FMN1: variants seen among roughly 807,000 people sequenced by gnomAD.
The protein encoded by FMN1 is formin 1.
A neutral mutation model predicts 132.4 loss-of-function variants in FMN1; 110 were observed. The ratio of observed to expected loss-of-function variants is 0.83; its 90% CI spans 0.71 to 0.97. The LOEUF (loss-of-function observed/expected upper bound fraction) is 0.97, where lower values mean the gene tolerates loss of function less well. Ranked by LOEUF, FMN1 falls within the 50% of genes least tolerant of loss-of-function variation. FMN1 has a pLI of 0.00. For missense variants in FMN1, 1,792 were observed against 1,705.3 expected (o/e 1.05, Z -0.90); for synonymous variants, 722 against 651.7 (o/e 1.11, Z -1.64).
At chr15:33,158,662 A>G (rs1470913128) in intron 3 of FMN1, among the ~76,000 whole-genome samples, 1 of 152,172 alleles carries the variant, frequency 6.6e-6, no homozygotes, top group Non-Finnish European at 1.5e-5. Context: ...ACTGAACTAG[A>G]CTAAGGAGTT....
intron 4 of FMN1, among the ~76,000 whole-genome samples, chr15:33,146,651 G>A (rs1036188642): frequency 6.6e-6 from 1 of 152,132 alleles, no homozygotes; most frequent in Non-Finnish European, 1.5e-5. Context: ...GAACTCCAAG[G>A]GGATGGTATG....
intron 4 of FMN1, among the ~76,000 whole-genome samples, chr15:33,119,504 C>T (rs1962348586): frequency 1.3e-5 from 2 of 152,166 alleles, no homozygotes; most frequent in African/African-American, 4.8e-5. Flanking sequence ...TTAATGAGTC[C>T]ACCGTCCGTA....
In FMN1 at chr15:33,024,057, A is replaced by G. The variant is rs528094883; in HGVS notation, c.2162-15982T>C. On this transcript the variant is annotated intron_variant, in intron 6 of 20. Transcript: ENST00000616417. The stretch of plus-strand genomic sequence containing the variant: ...GAATAAAGAAATCCTATAAATAAAT[A>G]AAAAGGATAGCAACCATTAGAAAAA... 6.6e-5 allele frequency among the ~76,000 whole-genome samples: 10 copies of G among 152,226 alleles called. 1 individual carries two copies. The South Asian group carries it at 2.1e-3, about 32-fold the overall frequency.
At chr15:33,162,476 T>C (rs1284709567) in intron 3 of FMN1, among the ~76,000 whole-genome samples, 2 of 151,606 alleles carry the variant, frequency 1.3e-5, no homozygotes, top group African/African-American at 4.8e-5. Flanking sequence ...GAATAACACT[T>C]CAGGCAGAAG....
chr15:33,040,008 C>T (rs1019059071), intron 6 of FMN1, among the ~76,000 whole-genome samples: 9 of 152,176 alleles, frequency 5.9e-5, no homozygotes, highest in Non-Finnish European at 1.0e-4. Context: ...CCCCAGCTGT[C>T]TACAGTCCAA....
rs1567144920 is a variant in FMN1, at chr15:32,774,359, T to C, written c.4216-5A>G. 7.6e-6 allele frequency: 12 copies of C among 1,577,890 alleles called. No homozygotes were observed. Among genetic ancestry groups the C allele is most frequent in the Admixed American group, 1.9e-5 (1 of 52,632 alleles). On this transcript the variant is annotated splice_polypyrimidine_tract_variant and splice_region_variant and intron_variant, in intron 20 of 20. Coordinates refer to ENST00000616417, the MANE Select transcript of FMN1 (RefSeq NM_001277313.2). Reference sequence around the variant, plus strand: ...CTTCTGACGCAGTCTTTCTTTCTGTTAAGGAAAAAAAAATGAATGTATCAT... The same window carrying C: ...CTTCTGACGCAGTCTTTCTTTCTGTCAAGGAAAAAAAAATGAATGTATCAT...
chr15:32,884,420 A>G (rs2059846308), intron 16 of FMN1, among the ~76,000 whole-genome samples: 1 of 152,180 alleles, frequency 6.6e-6, no homozygotes, highest in Admixed American at 6.5e-5. Context: ...CTCTGATCAT[A>G]GCCAGGGAAA....
Position 32,964,094 on chromosome 15 carries a change from A to T in FMN1, c.3138+13T>A. The T allele has an allele frequency of 1.2e-6, 2 of 1,601,014 alleles. No homozygotes were observed. Among genetic ancestry groups the T allele is most frequent in the South Asian group, 2.2e-5 (2 of 90,196 alleles). ...TAATATATAATTACAGCTTTGCCAT[A>T]ATCACTCAGTACCTTTTTGACCTTG... On this transcript the variant is annotated intron_variant, in intron 9 of 20. Coordinates refer to ENST00000616417, the MANE Select transcript of FMN1 (RefSeq NM_001277313.2).
At position 33,184,599 on chromosome 15, in the gene FMN1, G is replaced by A. The variant is rs11855346; in HGVS notation, c.-196-4337C>T. Among the ~76,000 whole-genome samples, 1,026 of 151,718 alleles carry A rather than the reference G, an allele frequency of 6.8e-3. 15 individuals carry two copies. The highest frequency in any genetic ancestry group is 0.022 in the African/African-American group (917 of 41,338). On this transcript the variant is annotated intron_variant, in intron 2 of 20. Transcript: ENST00000616417. ...GCTCACTGCAACCTCCGCCTCCCGG[G>A]TTCAAGCAATTCTTGTGCCTCAGCC... is the stretch of plus-strand genomic sequence containing the variant.
chr15:32,900,221 G>A lies in FMN1; in HGVS notation c.3508-96C>T, dbSNP rs560505211. On this transcript the variant is annotated intron_variant, in intron 13 of 20. Transcript: ENST00000616417. Reference sequence around the variant, plus strand: ...TCGACTGTGTACTCAATAGGCTGTCGGGAGGCTTGGTACCAACAGAATTAA... The same window carrying A: ...TCGACTGTGTACTCAATAGGCTGTCAGGAGGCTTGGTACCAACAGAATTAA... 209 of 1,331,748 alleles carry A rather than the reference G, an allele frequency of 1.6e-4. No individual in the cohort carries two copies. The African/African-American group carries it at 1.7e-3, about 11-fold the overall frequency. The allele number at this position is 1,331,748 out of a possible 1,614,324, so 82.5% of individuals were successfully genotyped here. A position where few individuals can be genotyped will look rare whatever the true frequency, so the allele number is the denominator to read the frequency against.
intron 9 of FMN1, among the ~76,000 whole-genome samples, chr15:32,956,166 G>A (rs1384725642): frequency 6.6e-6 from 1 of 152,030 alleles, no homozygotes; most frequent in Non-Finnish European, 1.5e-5. Flanking sequence ...TTGTATCTCA[G>A]CATTCTAAGG....
chr15:33,014,725 T>G (rs1322087489), intron 6 of FMN1, among the ~76,000 whole-genome samples: 1 of 152,222 alleles, frequency 6.6e-6, no homozygotes, highest in Non-Finnish European at 1.5e-5. Context: ...CCCTTTATGT[T>G]GCACAAACCT....
intron 12 of FMN1, among the ~76,000 whole-genome samples, chr15:32,907,661 G>A (rs756371122): frequency 3.9e-5 from 6 of 152,106 alleles, no homozygotes; most frequent in Admixed American, 6.5e-5. Context: ...CTCCATTTCT[G>A]CTTCATTTTC....
intron 19 of FMN1, among the ~76,000 whole-genome samples, chr15:32,785,202 A>G (rs796974136): frequency 0.046 from 1,438 of 31,120 alleles, 54 homozygotes; most frequent in East Asian, 0.29. Flanking sequence ...GTGTGTGTGT[A>G]TATATATATA....
At chr15:33,153,017 T>A in intron 4 of FMN1, 31 bp downstream of exon 4, 1 of 1,467,196 alleles carries the variant, frequency 6.8e-7, no homozygotes, top group Non-Finnish European at 9.0e-7. Context: ...CAGCCAAGAA[T>A]AGATTCAAAG....
intron 6 of FMN1, among the ~76,000 whole-genome samples, chr15:33,009,831 G>T (rs1253956459): frequency 6.6e-6 from 1 of 152,176 alleles, no homozygotes; most frequent in Non-Finnish European, 1.5e-5. Context: ...ATGTCCATAT[G>T]ATGGAATACT....
In FMN1 at chr15:33,154,990, G is replaced by A. The variant is rs764308950; in HGVS notation, c.-76C>T. The A allele has an allele frequency of 3.3e-6, 4 of 1,210,494 alleles. No individual in the cohort carries two copies. Among genetic ancestry groups the A allele is most frequent in the Non-Finnish European group, 3.4e-6 (3 of 886,232 alleles). 75.0% of individuals were successfully genotyped at this position (1,210,494 alleles called of 1,614,324 possible). A position where few individuals can be genotyped will look rare whatever the true frequency, so the allele number is the denominator to read the frequency against. ...TTCCCAGGCTCCAGTGGTGAGGCAT[G>A]TGATGGTGGCTATGCAGAGAAAGCA... On this transcript the variant is annotated 5_prime_UTR_variant, in exon 4 of 21. Transcript: ENST00000616417.
In FMN1 at chr15:33,153,227, G is replaced by A; in HGVS notation, c.1688C>T (p.Ser563Phe). 1 of 1,536,088 alleles carries A rather than the reference G, an allele frequency of 6.5e-7. No individual in the cohort carries two copies. The highest frequency in any genetic ancestry group is 8.7e-7 in the Non-Finnish European group (1 of 1,146,912). ...DSPCRKSRVF[S>F]GCVSADTLEP... ...CAAGGTGTCAGCAGAGACGCACCCA[G>A]AGAAGACACGGCTCTTTCTACAAGG... Residue 563 changes from serine (S) to phenylalanine (F), a missense_variant, in exon 4 of 21, where the codon TCT (serine) becomes TTT (phenylalanine). Physicochemically the swap from Ser to Phe is radical, Grantham distance 155. Around this residue, in one of 3 missense-constraint regions of FMN1, gnomAD observed 1,150 missense variants for 1,043.1 expected, o/e 1.10. Coordinates refer to ENST00000616417, the MANE Select transcript of FMN1 (RefSeq NM_001277313.2).
chr15:32,916,545 C>T (rs1235168772), intron 10 of FMN1, among the ~76,000 whole-genome samples: 2 of 152,108 alleles, frequency 1.3e-5, no homozygotes, highest in Non-Finnish European at 2.9e-5. Flanking sequence ...TGGGAGATGC[C>T]ACAGGTAGGT....
Sources: allele counts gnomAD v4.1 joint callset (sites outside exome capture counted in the v4.1 genomes callset), GRCh38; gene constraint gnomAD v4.1.1; regional missense constraint gnomAD v4.1.1; transcripts MANE v1.5; gene names NCBI Gene and HGNC (gene_info 2026-07-23, HGNC 2026-07-21).